Variants in KLHL12 observed in about 807,000 individuals in gnomAD.
KLHL12 encodes kelch-like protein 12.
In KLHL12, 17 loss-of-function variants were observed where a neutral mutation model predicts 60.8. That is an observed-to-expected ratio of 0.28 (90% confidence interval 0.19 to 0.42). The LOEUF (loss-of-function observed/expected upper bound fraction) is 0.42, where lower values mean the gene tolerates loss of function less well. KLHL12 is among the 10% of genes least tolerant of loss of function. The pLI, the probability that KLHL12 is intolerant of heterozygous loss-of-function variation, is 1.00. For synonymous variants in KLHL12, 220 were observed against 250.9 expected (o/e 0.88, Z 1.16); for missense variants, 468 against 722.3 (o/e 0.65, Z 4.04).
chr1:202,911,856 G>A (rs1660373052), intron 4 of KLHL12: 3 of 825,356 alleles, frequency 3.6e-6, no homozygotes, highest in African/African-American at 3.4e-5. Flanking sequence ...AGCTGAGGAA[G>A]CTCTTCATTG....
In KLHL12 at chr1:202,895,756, TA is replaced by T; in HGVS notation, c.940-40del. On this transcript the variant is annotated intron_variant, in intron 7 of 11. Coordinates refer to ENST00000367261, the MANE Select transcript of KLHL12 (RefSeq NM_021633.4). This position sits in a 1 kb window ranked among gnomAD's most constrained non-coding sequence, Gnocchi z 4.2. ...GAGAAGAGGTACAGAGCATTTCAGTTAGGCAAGTTTTGGGCCTTACCTTTTG... is the reference window on the plus strand; with the variant it reads ...GAGAAGAGGTACAGAGCATTTCAGTTGGCAAGTTTTGGGCCTTACCTTTTG... 6.4e-7 allele frequency: 1 copy of T among 1,568,236 alleles called. No individual in the cohort carries two copies. Among genetic ancestry groups the T allele is most frequent in the Non-Finnish European group, 8.7e-7 (1 of 1,145,024 alleles).
At chr1:202,927,794 A>C (rs913005275), upstream of KLHL12, among the ~76,000 whole-genome samples, 2 of 147,484 alleles carry the variant, frequency 1.4e-5, no homozygotes, top group African/African-American at 5.0e-5. Flanking sequence ...AGCCTGGCCA[A>C]CATGGTGAAA....
intron 2 of KLHL12, among the ~76,000 whole-genome samples, chr1:202,921,544 C>T (rs1035510991): frequency 6.6e-6 from 1 of 152,192 alleles, no homozygotes; most frequent in Non-Finnish European, 1.5e-5. Context: ...TATGTAACAT[C>T]ATCTGAATAC....
intron 6 of KLHL12, among the ~76,000 whole-genome samples, chr1:202,898,787 C>G (rs1253186286): frequency 6.6e-6 from 1 of 151,864 alleles, no homozygotes; most frequent in African/African-American, 2.4e-5. Context: ...CATGAAATCA[C>G]GAGCAACGTG....
intron 4 of KLHL12, chr1:202,914,952 T>G (rs888103734): frequency 2.0e-5 from 3 of 151,250 alleles, no homozygotes; most frequent in Admixed American, 2.0e-4. Flanking sequence ...TGGTCAACAG[T>G]TGTAAACACC....
At chr1:202,922,715 T>C (rs1660734429) in intron 2 of KLHL12, among the ~76,000 whole-genome samples, 1 of 151,940 alleles carries the variant, frequency 6.6e-6, no homozygotes, top group African/African-American at 2.4e-5. Context: ...CTTGATCTCC[T>C]GACCTCGTGA....
chr1:202,895,565 A>T lies in KLHL12; in HGVS notation c.1092T>A (p.Pro364=). 1 of 1,614,114 alleles carries T rather than the reference A, an allele frequency of 6.2e-7. No individual in the cohort carries two copies. Among genetic ancestry groups the T allele is most frequent in the Non-Finnish European group, 8.5e-7 (1 of 1,180,018 alleles). Residue 364 remains proline, a synonymous_variant, in exon 8 of 12, where the codon CCT becomes CCA. Transcript: ENST00000367261. This position sits in a 1 kb window ranked among gnomAD's most constrained non-coding sequence, Gnocchi z 4.2. ...CAGCAAGACCTCGTCGGACATTCAT[A>T]GGGGCCACAGAATACCAGACCCCAT... The part of the protein sequence containing the change: ...DEDGVWYSVA[P]MNVRRGLAGA...
intron 1 of KLHL12, among the ~76,000 whole-genome samples, chr1:202,926,662 G>T (rs530164577): frequency 6.6e-6 from 1 of 152,128 alleles, no homozygotes; most frequent in Non-Finnish European, 1.5e-5. Flanking sequence ...CCTTCTAGGG[G>T]ATTCCTGCCT....
chr1:202,912,956 G>A (rs1557995666), intron 4 of KLHL12, among the ~76,000 whole-genome samples: 2 of 151,408 alleles, frequency 1.3e-5, no homozygotes, highest in Admixed American at 6.6e-5. Context: ...TGTGGAAAGC[G>A]TAAAGCATTC....
intron 6 of KLHL12, among the ~76,000 whole-genome samples, chr1:202,903,510 A>G: frequency 6.8e-6 from 1 of 146,694 alleles, no homozygotes; most frequent in Non-Finnish European, 1.5e-5. Flanking sequence ...CCCAGGCTAG[A>G]GTGCACTGGT....
Position 202,911,077 on chromosome 1 carries a change from T to A in KLHL12, c.694A>T (p.Ile232Phe), listed in dbSNP as rs1341560973. 15 of 1,614,052 alleles carry A rather than the reference T, an allele frequency of 9.3e-6. No homozygotes were observed. The highest frequency in any genetic ancestry group is 1.3e-5 in the African/African-American group (1 of 74,936). ...ACCTCAGCATCTATTACATCTGTGA[T>A]ATACCTGGGGGTTAGTAGGGGCATC... ...VRMPLLTPRY[I>F]TDVIDAEPFI... The change falls in exon 5 of 12, where the codon ATC becomes TTC. Residue 232 changes from isoleucine to phenylalanine, a missense_variant. Physicochemically the swap from Ile to Phe is conservative, Grantham distance 21. Coordinates refer to ENST00000367261, the MANE Select transcript of KLHL12 (RefSeq NM_021633.4).
At chr1:202,912,126 G>GA in intron 4 of KLHL12, 1 of 847,130 alleles carries the variant, frequency 1.2e-6, no homozygotes, top group Non-Finnish European at 2.0e-6. Context: ...ACTTAACTGT[G>GA]AAAAAGATAT....
At position 202,895,877 on chromosome 1, in the gene KLHL12, G is replaced by C. The variant is rs1460228203; in HGVS notation, c.940-160C>G. On this transcript the variant is annotated intron_variant, in intron 7 of 11. Coordinates refer to ENST00000367261, the MANE Select transcript of KLHL12 (RefSeq NM_021633.4). The surrounding 1 kb of genome is among the most constrained non-coding windows in gnomAD (Gnocchi z 4.2). ...TTCATCCTCAAGTGGCTCCCAAATA[G>C]CTACCTACTGAACGAAATGCCTGTT... Among the ~76,000 whole-genome samples, 2 of 151,652 alleles carry C rather than the reference G, an allele frequency of 1.3e-5. No individual in the cohort carries two copies. Among genetic ancestry groups the C allele is most frequent in the African/African-American group, 4.9e-5 (2 of 40,962 alleles).
rs1660559257 is a variant in KLHL12 at position 202,917,515 on chromosome 1, T to C, written c.567+656A>G. On this transcript the variant is annotated intron_variant, in intron 4 of 11. Coordinates refer to ENST00000367261, the MANE Select transcript of KLHL12 (RefSeq NM_021633.4). Reference sequence around the variant, plus strand: ...ATAGGCCACTGCACCTGGCCTACTATTCCTTTAACATCCAGTTCATGTGTC... The same window carrying C: ...ATAGGCCACTGCACCTGGCCTACTACTCCTTTAACATCCAGTTCATGTGTC... Among the ~76,000 whole-genome samples, 4 of 152,224 alleles carry C rather than the reference T, an allele frequency of 2.6e-5. No homozygotes were observed. The South Asian group carries it at 6.2e-4, about 24-fold the overall frequency.
intron 4 of KLHL12, among the ~76,000 whole-genome samples, chr1:202,916,806 C>G (rs9651059): frequency 0.23 from 35,206 of 151,714 alleles, 4,671 homozygotes; most frequent in East Asian, 0.57. Context: ...CAGCGAGACC[C>G]CATCTCAACA....
At position 202,894,583 on chromosome 1, in the gene KLHL12, C is replaced by A. The variant is rs138322968; in HGVS notation, c.1294+8G>T. ...TTCCCTCCCATTCCTGCATCCCAGA[C>A]TCAATACCTAGACAGTAGATCACTC... On this transcript the variant is annotated splice_region_variant and intron_variant, in intron 9 of 11. Transcript: ENST00000367261. The A allele has an allele frequency of 3.0e-4, 482 of 1,614,116 alleles. 1 individual carries two copies. The African/African-American group carries it at 4.6e-3, about 16-fold the overall frequency.
At chr1:202,926,457 C>G (rs1421038830) in intron 1 of KLHL12, among the ~76,000 whole-genome samples, 4 of 152,204 alleles carry the variant, frequency 2.6e-5, no homozygotes, top group Non-Finnish European at 5.9e-5. Flanking sequence ...TCCAACAACT[C>G]TGCAAGACCC....
At chr1:202,908,287 T>C (rs115401164) in intron 6 of KLHL12, among the ~76,000 whole-genome samples, 3,830 of 152,292 alleles carry the variant, frequency 0.025, 168 homozygotes, top group African/African-American at 0.088. Flanking sequence ...GATAAATTGA[T>C]ACCTTGCCCA....
At chr1:202,910,280 T>C (rs1464080196) in intron 5 of KLHL12, among the ~76,000 whole-genome samples, 2 of 152,192 alleles carry the variant, frequency 1.3e-5, no homozygotes, top group African/African-American at 4.8e-5. Flanking sequence ...CGAGTCTGGT[T>C]CCAGAGTCTG....
Sources: allele counts gnomAD v4.1 joint callset (sites outside exome capture counted in the v4.1 genomes callset), GRCh38; gene constraint gnomAD v4.1.1; non-coding constraint Gnocchi (gnomAD v3.1); transcripts MANE v1.5; gene names NCBI Gene and HGNC (gene_info 2026-07-23, HGNC 2026-07-21).